Variants in SSH2 observed in about 807,000 individuals in gnomAD.
The protein encoded by SSH2 is protein phosphatase Slingshot homolog 2.
A neutral mutation model predicts 135.2 loss-of-function variants in SSH2; 37 were observed. The observed-to-expected ratio is 0.27, with a 90% CI of 0.21 to 0.36. SSH2 has a LOEUF of 0.36. Among genes scored for constraint, SSH2 ranks in the 10% least tolerant of loss-of-function variants. SSH2 has a pLI of 1.00. For synonymous variants in SSH2, 628 were observed against 646.2 expected, an observed-to-expected ratio of 0.97 and a Z score of 0.43; for missense variants, 1,408 against 1,765.3, an observed-to-expected ratio of 0.80 and a Z score of 3.63.
At chr17:29,711,323 C>T (rs1486215280) in intron 3 of SSH2, among the ~76,000 whole-genome samples, 1 of 152,130 alleles carries the variant, frequency 6.6e-6, no homozygotes, top group South Asian at 2.1e-4. Flanking sequence ...CCAATCTGGA[C>T]GAAACTTCCT....
At chr17:29,857,192 T>C (rs978853111) in intron 1 of SSH2, among the ~76,000 whole-genome samples, 10 of 152,124 alleles carry the variant, frequency 6.6e-5, no homozygotes, top group African/African-American at 1.9e-4. Flanking sequence ...GCAATTTACA[T>C]AGAAAGAGGT....
At chr17:29,897,196 A>ATTCAT in intron 1 of SSH2, among the ~76,000 whole-genome samples, 1 of 152,126 alleles carries the variant, frequency 6.6e-6, no homozygotes, top group African/African-American at 2.4e-5. Context: ...TGTAAAGACC[A>ATTCAT]TCGAGGCTAG....
At chr17:29,833,734 CTTCCCTCCCTTCCTT>C (rs2042891431) in intron 2 of SSH2, among the ~76,000 whole-genome samples, 1 of 97,196 alleles carries the variant, frequency 1.0e-5, no homozygotes, top group South Asian at 5.0e-4. Flanking sequence ...TCCCTCCCTA[CTTCCCTCCCTTCCTT>C]CTTTCCTCCC....
At chr17:29,724,403 C>T (rs1159799736) in intron 3 of SSH2, among the ~76,000 whole-genome samples, 2 of 151,754 alleles carry the variant, frequency 1.3e-5, no homozygotes, top group East Asian at 4.0e-4. Flanking sequence ...TGGCACATGC[C>T]TGTAATCCCA....
intron 3 of SSH2, among the ~76,000 whole-genome samples, chr17:29,707,249 A>C (rs540287179): frequency 6.6e-6 from 1 of 152,288 alleles, no homozygotes; most frequent in Non-Finnish European, 1.5e-5. Context: ...ATGTAAGTAC[A>C]TTCTTGCTTT....
At chr17:29,903,715 C>A (rs2066602922) in intron 1 of SSH2, among the ~76,000 whole-genome samples, 1 of 152,114 alleles carries the variant, frequency 6.6e-6, no homozygotes, top group Admixed American at 6.5e-5. Context: ...AAGTACAAGA[C>A]ACTCAATTAA....
At chr17:29,657,665 G>T (rs865933011) in intron 11 of SSH2, among the ~76,000 whole-genome samples, 13 of 142,256 alleles carry the variant, frequency 9.1e-5, no homozygotes, top group Admixed American at 1.5e-4. Context: ...TGAACTCCTG[G>T]GCTCAAACCA....
intron 11 of SSH2, among the ~76,000 whole-genome samples, chr17:29,660,583 T>G (rs1003181305): frequency 6.6e-6 from 1 of 152,008 alleles, no homozygotes; most frequent in Non-Finnish European, 1.5e-5. Context: ...TGTCTTTATC[T>G]GTAAAATGAA....
intron 3 of SSH2, among the ~76,000 whole-genome samples, chr17:29,755,516 A>G (rs2041085386): frequency 6.6e-6 from 1 of 152,184 alleles, no homozygotes; most frequent in African/African-American, 2.4e-5. Flanking sequence ...CACCTATTAT[A>G]TATAACACAG....
chr17:29,698,315 C>T (rs1364050545), intron 4 of SSH2, among the ~76,000 whole-genome samples: 2 of 152,076 alleles, frequency 1.3e-5, no homozygotes, highest in Admixed American at 1.3e-4. Flanking sequence ...AATGCATGTA[C>T]ACTTTAAATG....
chr17:29,711,210 A>G (rs1201947624), intron 3 of SSH2, among the ~76,000 whole-genome samples: 2 of 152,178 alleles, frequency 1.3e-5, no homozygotes, highest in Admixed American at 6.5e-5. Flanking sequence ...CTGTTGCACA[A>G]TGCCCAGCAC....
intron 3 of SSH2, among the ~76,000 whole-genome samples, chr17:29,730,693 C>G (rs113881414): frequency 0.015 from 2,207 of 152,202 alleles, 57 homozygotes; most frequent in African/African-American, 0.049. Context: ...CCTGCCTCGG[C>G]CTCCCAAAGT....
intron 6 of SSH2, among the ~76,000 whole-genome samples, chr17:29,679,919 A>C (rs2037895553): frequency 6.6e-6 from 1 of 152,188 alleles, no homozygotes; most frequent in South Asian, 2.1e-4. Context: ...TTCCTTCAGT[A>C]TTACAACTTT....
At chr17:29,747,877 T>C (rs2040812897) in intron 3 of SSH2, among the ~76,000 whole-genome samples, 1 of 152,210 alleles carries the variant, frequency 6.6e-6, no homozygotes, top group South Asian at 2.1e-4. Flanking sequence ...TCTCTATTAT[T>C]GCGAGACCCA....
At chr17:29,696,448 T>TAC (rs928246081) in intron 4 of SSH2, among the ~76,000 whole-genome samples, 1 of 146,420 alleles carries the variant, frequency 6.8e-6, no homozygotes, top group African/African-American at 2.5e-5. Flanking sequence ...TGTATATATA[T>TAC]ACTGTCATTA....
intron 12 of SSH2, among the ~76,000 whole-genome samples, chr17:29,654,407 A>G (rs554155939): frequency 6.6e-6 from 1 of 151,446 alleles, no homozygotes; most frequent in South Asian, 2.1e-4. Flanking sequence ...TTCCAAGTTC[A>G]TTTGGCCAAT....
chr17:29,907,542 G>T (rs1358420534), intron 1 of SSH2, among the ~76,000 whole-genome samples: 2 of 152,170 alleles, frequency 1.3e-5, no homozygotes, highest in African/African-American at 4.8e-5. Flanking sequence ...AAAATACATT[G>T]TCTATTTTCC....
At chr17:29,787,753 A>T (rs142360530) in intron 3 of SSH2, 2,109 of 149,386 alleles carry the variant, frequency 0.014, 22 homozygotes, top group Middle Eastern at 0.028. Context: ...TTTTTAAGAG[A>T]CAGGGTCTTG....
intron 14 of SSH2, among the ~76,000 whole-genome samples, chr17:29,647,403 A>G (rs930048735): frequency 4.6e-5 from 7 of 152,066 alleles, no homozygotes; most frequent in African/African-American, 1.7e-4. Context: ...GGGCCAAAAA[A>G]TTTCCAAGAA....
Sources: gnomAD v4.1 joint callset for allele counts (sites outside exome capture counted in the v4.1 genomes callset) on GRCh38, gnomAD v4.1.1 for gene constraint, MANE v1.5 for transcripts, NCBI Gene and HGNC (gene_info 2026-07-23, HGNC 2026-07-21) for gene names.